Variants in PIGL observed in about 807,000 individuals in gnomAD.
PIGL encodes phosphatidylinositol glycan anchor biosynthesis class L, also known as N-acetylglucosaminyl-phosphatidylinositol de-N-acetylase.
PIGL carries 22 observed loss-of-function variants against 31.1 expected under a neutral mutation model. That is an observed-to-expected ratio of 0.71 (90% CI 0.51 to 1.01). PIGL has a LOEUF of 1.01. Among genes scored for constraint, PIGL ranks in the 50% least tolerant of loss-of-function variants. The pLI is 0.00. For synonymous variants in PIGL, 131 were observed against 117.4 expected (o/e 1.12, Z -0.75); for missense variants, 302 against 315.9 (o/e 0.96, Z 0.33).
At position 16,317,061 on chromosome 17, in the gene PIGL, G is replaced by C. The variant is rs142639849; in HGVS notation, c.526+349G>C. ...GGTTGTAAATGACTGCTGGGTGCTT[G>C]ATGAACCAATCTGCCTGAGTTAGGA... On this transcript the variant is annotated intron_variant, in intron 5 of 6. Transcript: ENST00000225609. The C allele has an allele frequency of 1.1e-3, 1,158 of 1,092,638 alleles. 11 individuals carry two copies. The African/African-American group carries it at 0.017, about 16-fold the overall frequency. 67.7% of individuals were successfully genotyped at this position (1,092,638 alleles called of 1,614,324 possible).
At chr17:16,239,620 A>C (rs2092714570) in intron 2 of PIGL, among the ~76,000 whole-genome samples, 1 of 152,196 alleles carries the variant, frequency 6.6e-6, no homozygotes, top group Non-Finnish European at 1.5e-5. Flanking sequence ...TAAACTGTGA[A>C]TAGTGGAGAG....
intron 6 of PIGL, 149 bp from the exon 7 acceptor site, chr17:16,325,651 G>A: frequency 1.6e-6 from 1 of 640,682 alleles, no homozygotes; most frequent in Non-Finnish European, 2.7e-6. Flanking sequence ...ATCCAGAGAG[G>A]TTCGTGGGTT....
chr17:16,286,263 C>T (rs896206145), intron 2 of PIGL, among the ~76,000 whole-genome samples: 1 of 152,242 alleles, frequency 6.6e-6, no homozygotes, highest in Non-Finnish European at 1.5e-5. Context: ...TAAGCTGTTA[C>T]CCAACCCTGC....
At chr17:16,227,137 C>A (rs2092655489) in intron 1 of PIGL, among the ~76,000 whole-genome samples, 1 of 150,648 alleles carries the variant, frequency 6.6e-6, no homozygotes, top group African/African-American at 2.4e-5. Flanking sequence ...GAGACGGAGT[C>A]TCCCTCTGTC....
At chr17:16,228,538 G>A (rs549656791) in intron 1 of PIGL, among the ~76,000 whole-genome samples, 8 of 151,898 alleles carry the variant, frequency 5.3e-5, no homozygotes, top group African/African-American at 1.9e-4. Flanking sequence ...ACAGGCTCCC[G>A]CCACCACGCC....
intron 1 of PIGL, among the ~76,000 whole-genome samples, chr17:16,220,099 G>A (rs928974165): frequency 8.6e-5 from 13 of 151,746 alleles, no homozygotes; most frequent in African/African-American, 2.7e-4. Context: ...CCTGTAATCC[G>A]AGCACTTTGG....
chr17:16,243,659 G>A (rs892047771), intron 2 of PIGL, among the ~76,000 whole-genome samples: 1 of 152,158 alleles, frequency 6.6e-6, no homozygotes, highest in African/African-American at 2.4e-5. Context: ...AACCTCGAAA[G>A]ATACATGGTT....
chr17:16,249,582 A>G (rs1246644480), intron 2 of PIGL, among the ~76,000 whole-genome samples: 1 of 152,244 alleles, frequency 6.6e-6, no homozygotes, highest in African/African-American at 2.4e-5. Context: ...AAGTCCCACA[A>G]CAGGCCATCT....
At chr17:16,224,672 C>T (rs62072524) in intron 1 of PIGL, among the ~76,000 whole-genome samples, 1 of 151,832 alleles carries the variant, frequency 6.6e-6, no homozygotes, top group East Asian at 2.0e-4. Flanking sequence ...TTTTTTCCCC[C>T]TTGTGACAGA....
intron 2 of PIGL, among the ~76,000 whole-genome samples, chr17:16,285,190 A>G (rs1248343117): frequency 6.6e-6 from 1 of 152,226 alleles, no homozygotes; most frequent in African/African-American, 2.4e-5. Context: ...ATTTGTTGCA[A>G]TAATATGAAA....
intron 2 of PIGL, among the ~76,000 whole-genome samples, chr17:16,256,525 A>G (rs545868318): frequency 6.6e-6 from 1 of 150,990 alleles, no homozygotes; most frequent in East Asian, 2.0e-4. Context: ...CTAATTGTGT[A>G]TTTTTTAGTA....
chr17:16,217,358 G>C lies in PIGL; in HGVS notation c.132G>C (p.Leu44=), dbSNP rs761991700. Residue 44 remains leucine (L), a synonymous_variant, in exon 1 of 7, where the codon CTG becomes CTC. Transcript: ENST00000225609. The part of the protein sequence containing the change: ...GGRLGAESRT[L]LVIAHPDDEA... Reference sequence around the variant, plus strand: ...GGCTGGGAGCCGAAAGCCGGACCCTGCTGGTCATAGCGCACCCTGACGATG... The same window carrying C: ...GGCTGGGAGCCGAAAGCCGGACCCTCCTGGTCATAGCGCACCCTGACGATG... 7.4e-6 allele frequency: 12 copies of C among 1,614,206 alleles called. No individual in the cohort carries two copies. The South Asian group carries it at 1.3e-4, about 18-fold the overall frequency.
chr17:16,279,041 C>T (rs1427694430), intron 2 of PIGL, among the ~76,000 whole-genome samples: 1 of 152,154 alleles, frequency 6.6e-6, no homozygotes, highest in Non-Finnish European at 1.5e-5. Context: ...CAGGAAAGCA[C>T]ACAGTTTCTA....
chr17:16,320,061 G>A (rs2093096562), intron 6 of PIGL, among the ~76,000 whole-genome samples: 1 of 149,776 alleles, frequency 6.7e-6, no homozygotes, highest in Non-Finnish European at 1.5e-5. Context: ...TGGGGTGGGA[G>A]GATGGCTTGA....
intron 6 of PIGL, among the ~76,000 whole-genome samples, chr17:16,319,609 G>C (rs1334595583): frequency 6.6e-6 from 1 of 152,060 alleles, no homozygotes; most frequent in African/African-American, 2.4e-5. Flanking sequence ...CAAAAAAGTA[G>C]CCGGGCGTGG....
chr17:16,284,552 G>A (rs1481530322), intron 2 of PIGL, among the ~76,000 whole-genome samples: 1 of 152,164 alleles, frequency 6.6e-6, no homozygotes, highest in Non-Finnish European at 1.5e-5. Context: ...CTGCTCCTAA[G>A]ATCAGTGCTT....
intron 2 of PIGL, among the ~76,000 whole-genome samples, chr17:16,242,622 ATATGCCTCT>A (rs999177998): frequency 3.4e-5 from 5 of 145,742 alleles, no homozygotes; most frequent in African/African-American, 5.1e-5. Context: ...TGTTTTCAAC[ATATGCCTCT>A]TATTTCTGAT....
chr17:16,282,954 G>A (rs532429079), intron 2 of PIGL, among the ~76,000 whole-genome samples: 1 of 152,086 alleles, frequency 6.6e-6, no homozygotes, highest in East Asian at 1.9e-4. Context: ...GAGCCCAGGA[G>A]TACAAGACCA....
chr17:16,293,242 C>T lies in PIGL; in HGVS notation c.336-6646C>T, dbSNP rs1413523075. On this transcript the variant is annotated intron_variant, in intron 2 of 6. Transcript: ENST00000225609. ...TCTGTTTTATAAAATTGCAATCTTTCGGCCTGGCGCAGTGGCTCACGCCTG... is the reference window on the plus strand; with the variant it reads ...TCTGTTTTATAAAATTGCAATCTTTTGGCCTGGCGCAGTGGCTCACGCCTG... Among the ~76,000 whole-genome samples, 3 of 152,156 alleles carry T rather than the reference C, an allele frequency of 2.0e-5. No homozygotes were observed. In the South Asian group the frequency reaches 6.2e-4, roughly 31 times the overall value.
Sources: allele counts gnomAD v4.1 joint callset (sites outside exome capture counted in the v4.1 genomes callset), GRCh38; gene constraint gnomAD v4.1.1; transcripts MANE v1.5; gene names NCBI Gene and HGNC (gene_info 2026-07-23, HGNC 2026-07-21).